TENM3: variants seen among roughly 807,000 people sequenced by gnomAD.
The protein encoded by TENM3 is teneurin transmembrane protein 3.
A neutral mutation model predicts 255.1 loss-of-function variants in TENM3; 63 were observed. The ratio of observed to expected loss-of-function variants is 0.25; its 90% CI spans 0.20 to 0.30. The LOEUF (loss-of-function observed/expected upper bound fraction) is 0.30. TENM3 is among the 10% of genes least tolerant of loss of function. The pLI is 1.00. For missense variants in TENM3, 2,929 were observed against 3,461.1 expected (o/e 0.85, Z 3.86); for synonymous variants, 1,306 against 1,322.3 (o/e 0.99, Z 0.27).
At chr4:182,035,171 A>C in the TENM3 span, among the ~76,000 whole-genome samples, 1 of 152,188 alleles carries the variant, frequency 6.6e-6, no homozygotes, top group Non-Finnish European at 1.5e-5. Flanking sequence ...GTTTGTTTCT[A>C]TCAGAAATAA....
chr4:182,520,009 G>A (rs1400449860), intron 3 of TENM3, among the ~76,000 whole-genome samples: 2 of 152,066 alleles, frequency 1.3e-5, no homozygotes, highest in South Asian at 2.1e-4. Context: ...GTGGGCAGGG[G>A]ATGCTGGATA....
At chr4:181,661,806 A>G in the TENM3 span, among the ~76,000 whole-genome samples, 1 of 151,306 alleles carries the variant, frequency 6.6e-6, no homozygotes, top group Non-Finnish European at 1.5e-5. Context: ...CAGTAAGTGG[A>G]TTTTTCCCTC....
the TENM3 span, among the ~76,000 whole-genome samples, chr4:181,654,999 T>C: frequency 6.6e-6 from 1 of 152,162 alleles, no homozygotes; most frequent in African/African-American, 2.4e-5. Flanking sequence ...TGACTGGCCA[T>C]TTTCAGGCAT....
chr4:181,609,171 A>G, the TENM3 span, among the ~76,000 whole-genome samples: 1 of 152,196 alleles, frequency 6.6e-6, no homozygotes, highest in Admixed American at 6.5e-5. Context: ...GTGCTGAAAC[A>G]GAAAAGGGGG....
chr4:181,633,861 C>G, the TENM3 span, among the ~76,000 whole-genome samples: 1 of 152,204 alleles, frequency 6.6e-6, no homozygotes, highest in Non-Finnish European at 1.5e-5. Flanking sequence ...GTGTCAACCC[C>G]TGCAAGGCAA....
chr4:182,637,190 A>T lies in TENM3; in HGVS notation c.988+8301A>T, dbSNP rs535277466. Among the ~76,000 whole-genome samples, 7 of 152,354 alleles carry T rather than the reference A, an allele frequency of 4.6e-5. No homozygotes were observed. The East Asian group carries it at 7.7e-4, about 17-fold the overall frequency. Reference sequence around the variant, plus strand: ...ATTCAGCATAAAACCTTTAAGTTTCATGGAAACTATATCAAACAAAGGTTT... The same window carrying T: ...ATTCAGCATAAAACCTTTAAGTTTCTTGGAAACTATATCAAACAAAGGTTT... On this transcript the variant is annotated intron_variant, in intron 5 of 27. Transcript: ENST00000511685.
chr4:182,516,165 G>T (rs1308550543), intron 3 of TENM3, among the ~76,000 whole-genome samples: 1 of 152,220 alleles, frequency 6.6e-6, no homozygotes, highest in Non-Finnish European at 1.5e-5. Flanking sequence ...TAATGTGAGT[G>T]AGTAGAAATA....
intron 3 of TENM3, among the ~76,000 whole-genome samples, chr4:182,364,641 A>G (rs1766287165): frequency 6.6e-6 from 1 of 152,082 alleles, no homozygotes; most frequent in Non-Finnish European, 1.5e-5. Context: ...GGATGGTCTC[A>G]ACCTCCTGAC....
At chr4:181,911,339 A>G in the TENM3 span, among the ~76,000 whole-genome samples, 1 of 152,214 alleles carries the variant, frequency 6.6e-6, no homozygotes, top group African/African-American at 2.4e-5. Flanking sequence ...ACTGCATGGA[A>G]AAAGATGCAA....
the TENM3 span, among the ~76,000 whole-genome samples, chr4:181,750,908 A>G: frequency 6.6e-6 from 1 of 152,278 alleles, no homozygotes; most frequent in East Asian, 1.9e-4. Flanking sequence ...GAAAAGGACA[A>G]TCAATTACTT....
intron 3 of TENM3, among the ~76,000 whole-genome samples, chr4:182,395,987 T>G (rs945839351): frequency 6.6e-6 from 1 of 152,258 alleles, no homozygotes. Context: ...CATTTTATAC[T>G]ATAAGCAGTT....
Position 182,799,746 on chromosome 4 carries a change from G to A in TENM3, c.7495G>A (p.Gly2499Ser), listed in dbSNP as rs1432975334. The A allele has an allele frequency of 1.3e-6, 2 of 1,564,890 alleles. No homozygotes were observed. Among genetic ancestry groups the A allele is most frequent in the Non-Finnish European group, 1.7e-6 (2 of 1,156,076 alleles). The change falls in exon 28 of 28, where the codon GGC becomes AGC. Residue 2499 changes from glycine (G) to serine (S), a missense_variant. Coordinates refer to ENST00000511685, the MANE Select transcript of TENM3 (RefSeq NM_001080477.4). The surrounding 1 kb of genome is among the most constrained non-coding windows in gnomAD (Gnocchi z 4.2). ...CACGGTCAAGTCGCTGATCGGCAAGGGCGTCATGCTGGCCGTCAGCCAGGG... is the reference window on the plus strand; with the variant it reads ...CACGGTCAAGTCGCTGATCGGCAAGAGCGTCATGCTGGCCGTCAGCCAGGG... ...FATVKSLIGK[G>S]VMLAVSQGRV...
chr4:182,446,500 C>G (rs1772924392), intron 3 of TENM3, among the ~76,000 whole-genome samples: 1 of 152,162 alleles, frequency 6.6e-6, no homozygotes, highest in Non-Finnish European at 1.5e-5. Context: ...ACCTTTCATT[C>G]TTCCATTAGT....
rs1024689100 is a variant in TENM3 at position 182,278,020 on chromosome 4, A to G, written c.-76+34544A>G. The stretch of plus-strand genomic sequence containing the variant: ...CTGGATCCTGTTTGTTTCTTTTGCC[A>G]TTGATATTTTTCCATGCAGACCAGA... On this transcript the variant is annotated intron_variant, in intron 1 of 27. Coordinates refer to ENST00000511685, the MANE Select transcript of TENM3 (RefSeq NM_001080477.4). Among the ~76,000 whole-genome samples the G allele has an allele frequency of 1.1e-4, 16 of 152,304 alleles. No individual in the cohort carries two copies. In the South Asian group the frequency reaches 2.1e-3, roughly 20 times the overall value.
intron 5 of TENM3, among the ~76,000 whole-genome samples, chr4:182,632,163 T>C (rs1751430601): frequency 6.6e-6 from 1 of 152,196 alleles, no homozygotes; most frequent in Admixed American, 6.5e-5. Context: ...TTCTCACATA[T>C]CATTCATTAT....
At position 182,754,141 on chromosome 4, in the gene TENM3, A is replaced by G. The variant is rs946780197; in HGVS notation, c.4018-244A>G. The stretch of plus-strand genomic sequence containing the variant: ...CTGTTGACTCACTACGTAGAGGCCT[A>G]TTTGCTATTTGCCTGTAACTAGCAA... On this transcript the variant is annotated intron_variant, in intron 21 of 27. Coordinates refer to ENST00000511685, the MANE Select transcript of TENM3 (RefSeq NM_001080477.4). This position sits in a 1 kb window ranked among gnomAD's most constrained non-coding sequence, Gnocchi z 5.1. Among the ~76,000 whole-genome samples the G allele has an allele frequency of 1.1e-4, 17 of 152,218 alleles. No homozygotes were observed. The highest frequency in any genetic ancestry group is 4.1e-4 in the African/African-American group (17 of 41,466).
At chr4:182,292,184 T>TA (rs940337221) in intron 1 of TENM3, among the ~76,000 whole-genome samples, 21 of 152,148 alleles carry the variant, frequency 1.4e-4, no homozygotes, top group East Asian at 3.9e-4. Flanking sequence ...AGATTTATTG[T>TA]AAAAAAATGT....
chr4:181,626,379 A>G, the TENM3 span, among the ~76,000 whole-genome samples: 1 of 152,178 alleles, frequency 6.6e-6, no homozygotes, highest in African/African-American at 2.4e-5. Context: ...GATACCTGAG[A>G]CTAATTTATA....
At chr4:182,436,197 G>T (rs1772031506) in intron 3 of TENM3, among the ~76,000 whole-genome samples, 2 of 152,248 alleles carry the variant, frequency 1.3e-5, no homozygotes, top group Non-Finnish European at 2.9e-5. Flanking sequence ...GGGAGTATGG[G>T]GAGTCATGTT....
Sources: gnomAD v4.1 joint callset for allele counts (sites outside exome capture counted in the v4.1 genomes callset) on GRCh38, gnomAD v4.1.1 for gene constraint, Gnocchi (gnomAD v3.1) non-coding constraint, MANE v1.5 for transcripts, NCBI Gene and HGNC (gene_info 2026-07-23, HGNC 2026-07-21) for gene names.